Variants in GPR107 observed in about 807,000 individuals in gnomAD.
GPR107 encodes the protein G protein-coupled receptor 107.
A neutral mutation model predicts 75.5 loss-of-function variants in GPR107; 31 were observed. The ratio of observed to expected loss-of-function variants is 0.41; its 90% CI spans 0.31 to 0.55. The LOEUF (loss-of-function observed/expected upper bound fraction) is 0.55. Ranked by LOEUF, GPR107 falls within the 20% of genes least tolerant of loss-of-function variation. The pLI, the probability that GPR107 is intolerant of heterozygous loss-of-function variation, is 0.26. For synonymous variants in GPR107, 267 were observed against 251.3 expected, an observed-to-expected ratio of 1.06 and a Z score of -0.59; for missense variants, 572 against 665.7, an observed-to-expected ratio of 0.86 and a Z score of 1.55.
intron 7 of GPR107, among the ~76,000 whole-genome samples, chr9:130,087,157 C>T (rs989716415): frequency 6.6e-6 from 1 of 152,044 alleles, no homozygotes; most frequent in Non-Finnish European, 1.5e-5. Flanking sequence ...CCTGCCTCAG[C>T]CTCCCAAGTA....
chr9:130,107,604 C>T lies in GPR107; in HGVS notation c.1306+65C>T, dbSNP rs1319537939. 3.1e-5 allele frequency: 32 copies of T among 1,030,878 alleles called. No homozygotes were observed. The Admixed American group carries it at 3.9e-4, about 12-fold the overall frequency. 63.9% of individuals were successfully genotyped at this position (1,030,878 alleles called of 1,614,324 possible). A position where few individuals can be genotyped will look rare whatever the true frequency, so the allele number is the denominator to read the frequency against. On this transcript the variant is annotated intron_variant, in intron 14 of 17. Coordinates refer to ENST00000347136, the MANE Select transcript of GPR107 (RefSeq NM_020960.5). ...TCTGAACCCACGTGCTGCGGCACTG[C>T]GGAGGAGTGGAGGCAGCCTATGGTG...
chr9:130,131,458 G>T (rs1041236469), intron 17 of GPR107, among the ~76,000 whole-genome samples: 1 of 151,794 alleles, frequency 6.6e-6, no homozygotes, highest in Non-Finnish European at 1.5e-5. Flanking sequence ...CCTGTCACCC[G>T]CCCTGCCTGT....
At chr9:130,124,294 A>G (rs11788745) in intron 14 of GPR107, among the ~76,000 whole-genome samples, 11,994 of 152,320 alleles carry the variant, frequency 0.079, 608 homozygotes, top group East Asian at 0.14. Flanking sequence ...TCAATATTTC[A>G]GAGCCGTAGG....
At chr9:130,100,201 A>T (rs558349390) in intron 10 of GPR107, among the ~76,000 whole-genome samples, 1 of 152,026 alleles carries the variant, frequency 6.6e-6, no homozygotes, top group Non-Finnish European at 1.5e-5. Context: ...GGCCTCCACG[A>T]CTTTTTTATG....
At chr9:130,099,805 G>T (rs112864321) in intron 10 of GPR107, among the ~76,000 whole-genome samples, 147,688 of 150,036 alleles carry the variant, frequency 0.98, 72,698 homozygotes, top group East Asian at 1. Flanking sequence ...TTTGTTTTTG[G>T]TTTGTTTTGT....
In GPR107 at chr9:130,135,349, A is replaced by C; in HGVS notation, c.*228A>C. ...GGATCCTCTTTCAGGCGGGAATGGGAGGGCGGGCACAGGGAGGAGGAGAGG... is the reference window on the plus strand; with the variant it reads ...GGATCCTCTTTCAGGCGGGAATGGGCGGGCGGGCACAGGGAGGAGGAGAGG... On this transcript the variant is annotated 3_prime_UTR_variant, in exon 18 of 18. Transcript: ENST00000347136. 1 of 345,656 alleles carries C rather than the reference A, an allele frequency of 2.9e-6. No individual in the cohort carries two copies. Among genetic ancestry groups the C allele is most frequent in the Non-Finnish European group, 5.3e-6 (1 of 187,618 alleles). The allele number at this position is 345,656 out of a possible 1,614,324, so 21.4% of individuals were successfully genotyped here.
intron 15 of GPR107, among the ~76,000 whole-genome samples, chr9:130,125,355 T>G (rs9697249): frequency 6.6e-6 from 1 of 150,540 alleles, no homozygotes; most frequent in Non-Finnish European, 1.5e-5. Flanking sequence ...GTGCGGGGAT[T>G]ACAGCGTGAG....
At chr9:130,124,244 G>A (rs770487151) in intron 14 of GPR107, among the ~76,000 whole-genome samples, 3 of 152,162 alleles carry the variant, frequency 2.0e-5, no homozygotes, top group Non-Finnish European at 2.9e-5. Context: ...TGAATGAAAG[G>A]ATTGCTGATC....
At chr9:130,061,398 A>G (rs1829921039) in intron 1 of GPR107, among the ~76,000 whole-genome samples, 1 of 152,194 alleles carries the variant, frequency 6.6e-6, no homozygotes, top group Non-Finnish European at 1.5e-5. Context: ...TTGAGGGTCT[A>G]GGGAAGAATA....
intron 1 of GPR107, among the ~76,000 whole-genome samples, chr9:130,056,923 TCAAAAAAAAAAAAA>T: frequency 2.4e-4 from 1 of 4,234 alleles, no homozygotes; most frequent in African/African-American, 1.1e-3. Context: ...AGACTCCTTC[TCAAAAAAAAAAAAA>T]AAAAAAAAAA....
At chr9:130,076,274 T>C in intron 2 of GPR107, 138 bp from the exon 3 acceptor site, 1 of 573,322 alleles carries the variant, frequency 1.7e-6, no homozygotes, top group Non-Finnish European at 3.2e-6. Flanking sequence ...TGAGTGATTT[T>C]ACTTTGCCTT....
In GPR107 at chr9:130,135,070, G is replaced by C; in HGVS notation, c.1608G>C (p.Lys536Asn). The C allele has an allele frequency of 6.2e-7, 1 of 1,611,876 alleles. No homozygotes were observed. Among genetic ancestry groups the C allele is most frequent in the Non-Finnish European group, 8.5e-7 (1 of 1,178,470 alleles). Residue 536 changes from lysine (K) to asparagine (N), a missense_variant, in exon 18 of 18, where the codon AAG (lysine) becomes AAC (asparagine). Transcript: ENST00000347136. Reference protein sequence around the residue: ...GVMESMKKVKKVTNGSVEPQG... With the variant: ...GVMESMKKVKNVTNGSVEPQG... The stretch of plus-strand genomic sequence containing the variant: ...TGGAAAGTATGAAGAAAGTCAAGAA[G>C]GTGACCAACGGCTCCGTGGAGCCCC...
chr9:130,116,559 A>G (rs1589524014), intron 14 of GPR107, among the ~76,000 whole-genome samples: 2 of 152,172 alleles, frequency 1.3e-5, no homozygotes, highest in South Asian at 4.1e-4. Flanking sequence ...CCCAAGTCTC[A>G]CTGGCATAGC....
intron 14 of GPR107, among the ~76,000 whole-genome samples, chr9:130,113,300 T>TCAG (rs899390817): frequency 4.9e-5 from 7 of 142,534 alleles, no homozygotes; most frequent in African/African-American, 1.8e-4. Context: ...TGGCACAATC[T>TCAG]CAGCTCACTG....
chr9:130,114,094 C>A (rs1162023302), intron 14 of GPR107, among the ~76,000 whole-genome samples: 1 of 132,178 alleles, frequency 7.6e-6, no homozygotes, highest in Non-Finnish European at 1.5e-5. Context: ...TGGGGCCAGG[C>A]ACAGTGGCTT....
At chr9:130,116,644 C>T (rs1479369053) in intron 14 of GPR107, among the ~76,000 whole-genome samples, 2 of 152,110 alleles carry the variant, frequency 1.3e-5, no homozygotes, top group African/African-American at 2.4e-5. Flanking sequence ...CTGAGATCAG[C>T]GTGGCCCTTT....
chr9:130,116,474 C>T (rs1384431889), intron 14 of GPR107, among the ~76,000 whole-genome samples: 1 of 152,190 alleles, frequency 6.6e-6, no homozygotes, highest in Non-Finnish European at 1.5e-5. Flanking sequence ...TTGCCTAGCT[C>T]GCTGCTGTGA....
In GPR107 at chr9:130,135,441, G is replaced by T; in HGVS notation, c.*320G>T. 1 of 261,506 alleles carries T rather than the reference G, an allele frequency of 3.8e-6. No individual in the cohort carries two copies. Among genetic ancestry groups the T allele is most frequent in the Non-Finnish European group, 7.4e-6 (1 of 135,680 alleles). 16.2% of individuals were successfully genotyped at this position (261,506 alleles called of 1,614,324 possible). A position where few individuals can be genotyped will look rare whatever the true frequency, so the allele number is the denominator to read the frequency against. On this transcript the variant is annotated 3_prime_UTR_variant, in exon 18 of 18. Coordinates refer to ENST00000347136, the MANE Select transcript of GPR107 (RefSeq NM_020960.5). ...TTTCTTCTTCATTTCGGAGCTCTAA[G>T]GTGTATGCAGTTGTGACCCCATGTG...
chr9:130,098,192 C>T lies in GPR107; in HGVS notation c.864-1265C>T, dbSNP rs182163054. 1.6e-3 allele frequency among the ~76,000 whole-genome samples: 239 copies of T among 152,258 alleles called. 1 individual carries two copies. Among genetic ancestry groups the T allele is most frequent in the African/African-American group, 5.7e-3 (235 of 41,558 alleles). ...CCACTGCACCTAGCCTCATAATAGT[C>T]TTAATATGTTCTATTAGGTTAATTC... On this transcript the variant is annotated intron_variant, in intron 9 of 17. Coordinates refer to ENST00000347136, the MANE Select transcript of GPR107 (RefSeq NM_020960.5).
Sources: gnomAD v4.1 joint callset for allele counts (sites outside exome capture counted in the v4.1 genomes callset) on GRCh38, gnomAD v4.1.1 for gene constraint, MANE v1.5 for transcripts, NCBI Gene and HGNC (gene_info 2026-07-23, HGNC 2026-07-21) for gene names.